Variants in RGS7 observed in about 807,000 individuals in gnomAD.
The protein encoded by RGS7 is regulator of G protein signaling 7, also known as regulator of G-protein signaling 7.
RGS7 carries 27 observed loss-of-function variants against 81.1 expected under a neutral mutation model. That is an observed-to-expected ratio of 0.33 (90% CI 0.25 to 0.46). The LOEUF is 0.46. Ranked by LOEUF, RGS7 falls within the 20% of genes least tolerant of loss-of-function variation. The pLI is 1.00. For missense variants in RGS7, 396 were observed against 607.4 expected (o/e 0.65, Z 3.66); for synonymous variants, 208 against 207.7 (o/e 1.00, Z -0.01).
At chr1:241,101,624 G>T (rs1261689383) in intron 2 of RGS7, among the ~76,000 whole-genome samples, 1 of 152,000 alleles carries the variant, frequency 6.6e-6, no homozygotes, top group East Asian at 1.9e-4. Flanking sequence ...CTGTAATAAA[G>T]ATCTCTAAGT....
In RGS7 at chr1:241,314,489, G is replaced by A. The variant is rs186219689; in HGVS notation, c.78+41210C>T. On this transcript the variant is annotated intron_variant, in intron 2 of 18. Transcript: ENST00000440928. ...TTTGACACTTATTAGACTACAGTGT[G>A]GTATAAACTTAACTTTTATATGCAC... Among the ~76,000 whole-genome samples the A allele has an allele frequency of 3.2e-4, 49 of 152,242 alleles. No individual in the cohort carries two copies. The East Asian group carries it at 8.9e-3, about 28-fold the overall frequency.
In RGS7 at chr1:241,214,239, A is replaced by AT. The variant is rs566172063; in HGVS notation, c.79-115478dup. On this transcript the variant is annotated intron_variant, in intron 2 of 18. Coordinates refer to ENST00000440928, the MANE Select transcript of RGS7 (RefSeq NM_001364886.1). ...ATTCTCTCGGTTTTTATTTATCTTA[A>AT]TTTTTTTTATTATGCCTTCATTTTA... 8.8e-3 allele frequency among the ~76,000 whole-genome samples: 1,341 copies of AT among 151,768 alleles called. 24 individuals are homozygous for AT. The highest frequency in any genetic ancestry group is 0.03 in the African/African-American group (1,258 of 41,394).
chr1:241,309,278 C>T (rs1202341241), intron 2 of RGS7, among the ~76,000 whole-genome samples: 1 of 146,480 alleles, frequency 6.8e-6, no homozygotes, highest in Admixed American at 7.1e-5. Flanking sequence ...CCCAGCTACC[C>T]GGGAGGCTGA....
intron 3 of RGS7, among the ~76,000 whole-genome samples, chr1:241,041,119 T>C (rs1215113312): frequency 1.3e-5 from 2 of 152,200 alleles, no homozygotes; most frequent in Admixed American, 1.3e-4. Flanking sequence ...ATTCTGATTA[T>C]TACCTTTTGA....
intron 2 of RGS7, among the ~76,000 whole-genome samples, chr1:241,270,118 T>C (rs906996383): frequency 6.6e-6 from 1 of 152,186 alleles, no homozygotes; most frequent in Non-Finnish European, 1.5e-5. Context: ...CTCACCCCTC[T>C]GAAAGACCTG....
At chr1:241,190,281 C>A (rs185380852) in intron 2 of RGS7, among the ~76,000 whole-genome samples, 11 of 152,074 alleles carry the variant, frequency 7.2e-5, no homozygotes, top group Non-Finnish European at 8.8e-5. Context: ...CATTATTTTT[C>A]TTTTCAAAAT....
At chr1:240,918,366 T>A (rs1422590688) in intron 6 of RGS7, among the ~76,000 whole-genome samples, 2 of 152,040 alleles carry the variant, frequency 1.3e-5, no homozygotes, top group African/African-American at 2.4e-5. Flanking sequence ...AGACACACCT[T>A]AAAAATGTAA....
chr1:240,825,800 C>T (rs899564697), intron 10 of RGS7, among the ~76,000 whole-genome samples: 9 of 152,136 alleles, frequency 5.9e-5, no homozygotes, highest in Non-Finnish European at 2.9e-5. Context: ...ATGATCTATA[C>T]TGAATATGGT....
intron 2 of RGS7, among the ~76,000 whole-genome samples, chr1:241,236,901 A>G (rs1254633190): frequency 1.3e-5 from 2 of 152,210 alleles, no homozygotes; most frequent in Admixed American, 6.5e-5. Flanking sequence ...CTTTGTTAAT[A>G]TTACAAAGTA....
At chr1:241,113,727 G>T (rs1230568577) in intron 2 of RGS7, among the ~76,000 whole-genome samples, 1 of 152,098 alleles carries the variant, frequency 6.6e-6, no homozygotes, top group Non-Finnish European at 1.5e-5. Flanking sequence ...CTAGGTCTTT[G>T]TACTCCTTCC....
chr1:240,962,238 T>C (rs520831), intron 4 of RGS7, among the ~76,000 whole-genome samples: 151,039 of 152,256 alleles, frequency 0.99, 74,923 homozygotes, highest in Middle Eastern at 1. Flanking sequence ...GCTTAAGCTC[T>C]GGTGAATCTC....
At chr1:241,150,718 G>T (rs954029877) in intron 2 of RGS7, among the ~76,000 whole-genome samples, 2 of 152,192 alleles carry the variant, frequency 1.3e-5, no homozygotes, top group African/African-American at 4.8e-5. Flanking sequence ...GATACAGATA[G>T]ATGTGAGGGA....
chr1:241,148,239 C>A (rs963623917), intron 2 of RGS7, among the ~76,000 whole-genome samples: 5 of 151,728 alleles, frequency 3.3e-5, no homozygotes, highest in African/African-American at 9.7e-5. Context: ...TTAGAAAAGA[C>A]AAAATTTTGT....
chr1:240,856,746 G>A (rs980644360), intron 9 of RGS7, among the ~76,000 whole-genome samples: 1 of 151,954 alleles, frequency 6.6e-6, no homozygotes, highest in African/African-American at 2.4e-5. Context: ...GAAATATTTT[G>A]CATGTATCAA....
chr1:240,873,227 T>A (rs570066570), intron 6 of RGS7, among the ~76,000 whole-genome samples: 2 of 152,328 alleles, frequency 1.3e-5, no homozygotes, highest in South Asian at 4.1e-4. Flanking sequence ...GAATCTTTTA[T>A]AACATAACCC....
At chr1:241,032,180 A>T (rs2060114312) in intron 3 of RGS7, among the ~76,000 whole-genome samples, 1 of 152,162 alleles carries the variant, frequency 6.6e-6, no homozygotes, top group Non-Finnish European at 1.5e-5. Context: ...ATCCAGTTTC[A>T]TCCTCTTGCA....
chr1:241,297,687 G>A (rs1043768293), intron 2 of RGS7, among the ~76,000 whole-genome samples: 1 of 152,166 alleles, frequency 6.6e-6, no homozygotes, highest in Non-Finnish European at 1.5e-5. Context: ...TTTCTGTGCT[G>A]AACCATAGGT....
intron 10 of RGS7, among the ~76,000 whole-genome samples, chr1:240,818,686 G>A (rs988591050): frequency 6.6e-6 from 1 of 152,146 alleles, no homozygotes; most frequent in African/African-American, 2.4e-5. Context: ...AGTGAAATAT[G>A]CTAGGCAGAG....
At chr1:241,292,289 C>T (rs892984156) in intron 2 of RGS7, among the ~76,000 whole-genome samples, 3 of 152,092 alleles carry the variant, frequency 2.0e-5, no homozygotes, top group Non-Finnish European at 4.4e-5. Flanking sequence ...AAACCAGTAA[C>T]ATAGTCATTA....
Sources: gnomAD v4.1 joint callset for allele counts (sites outside exome capture counted in the v4.1 genomes callset) on GRCh38, gnomAD v4.1.1 for gene constraint, MANE v1.5 for transcripts, NCBI Gene and HGNC (gene_info 2026-07-23, HGNC 2026-07-21) for gene names.